Variants in LRRC4C observed in about 807,000 individuals in gnomAD.
LRRC4C encodes the protein leucine rich repeat containing 4C, also known as leucine-rich repeat-containing protein 4C.
LRRC4C carries 5 observed loss-of-function variants against 33.6 expected under a neutral mutation model. The observed-to-expected ratio is 0.15, with a 90% CI of 0.08 to 0.31. The LOEUF (loss-of-function observed/expected upper bound fraction) is 0.31, where lower values mean the gene tolerates loss of function less well. LRRC4C is among the 10% of genes least tolerant of loss of function. The pLI is 1.00. For synonymous variants in LRRC4C, 329 were observed against 302.0 expected (o/e 1.09, Z -0.93); for missense variants, 560 against 796.7 (o/e 0.70, Z 3.58).
intron 1 of LRRC4C, among the ~76,000 whole-genome samples, chr11:41,378,555 A>C (rs559649178): frequency 3.0e-4 from 46 of 152,286 alleles, no homozygotes; most frequent in African/African-American, 1.1e-3. Flanking sequence ...GGAAATATCC[A>C]TGCGGTATGC....
chr11:40,438,525 C>T (rs1169521387), intron 3 of LRRC4C, among the ~76,000 whole-genome samples: 2 of 152,124 alleles, frequency 1.3e-5, no homozygotes, highest in Admixed American at 1.3e-4. Context: ...CAATTTGTGT[C>T]CCCAATGTCT....
At chr11:40,906,879 C>T (rs1354945869) in intron 2 of LRRC4C, among the ~76,000 whole-genome samples, 2 of 152,110 alleles carry the variant, frequency 1.3e-5, no homozygotes, top group African/African-American at 2.4e-5. Context: ...AATACTTGAT[C>T]TCAAAGAGCT....
chr11:41,421,143 T>C (rs1846184236), intron 1 of LRRC4C, among the ~76,000 whole-genome samples: 1 of 152,034 alleles, frequency 6.6e-6, no homozygotes, highest in Admixed American at 6.6e-5. Flanking sequence ...GAAAGGAATT[T>C]CTATATGTAA....
At chr11:41,277,296 C>G (rs1949515375) in intron 1 of LRRC4C, among the ~76,000 whole-genome samples, 1 of 152,134 alleles carries the variant, frequency 6.6e-6, no homozygotes, top group Non-Finnish European at 1.5e-5. Flanking sequence ...GTGAATTTTC[C>G]ATGCATTATT....
At chr11:40,663,350 G>T (rs1479071787) in intron 2 of LRRC4C, among the ~76,000 whole-genome samples, 4 of 152,092 alleles carry the variant, frequency 2.6e-5, no homozygotes, top group African/African-American at 9.7e-5. Context: ...CAAAGTGTTG[G>T]GATTACAGGC....
At chr11:40,476,345 T>TCTTTC (rs71060963) in intron 3 of LRRC4C, among the ~76,000 whole-genome samples, 2 of 136,500 alleles carry the variant, frequency 1.5e-5, no homozygotes, top group Admixed American at 7.4e-5. Flanking sequence ...TTTTCTTCTT[T>TCTTTC]TTTTTTTTTT....
intron 5 of LRRC4C, among the ~76,000 whole-genome samples, chr11:40,176,861 C>A (rs1345068079): frequency 6.6e-6 from 1 of 150,486 alleles, no homozygotes; most frequent in African/African-American, 2.4e-5. Flanking sequence ...TTTAAAATTG[C>A]TCTTTTTATA....
At chr11:40,737,526 G>A (rs917312578) in intron 2 of LRRC4C, among the ~76,000 whole-genome samples, 1 of 151,976 alleles carries the variant, frequency 6.6e-6, no homozygotes, top group Non-Finnish European at 1.5e-5. Flanking sequence ...CAAAGTCTCA[G>A]GATACAAGAT....
chr11:40,527,520 A>G (rs963666899), intron 3 of LRRC4C, among the ~76,000 whole-genome samples: 4 of 152,120 alleles, frequency 2.6e-5, no homozygotes, highest in African/African-American at 9.7e-5. Context: ...GGGATTTGCT[A>G]TAGGAGGAGG....
chr11:41,322,898 A>T (rs1355140255), intron 1 of LRRC4C, among the ~76,000 whole-genome samples: 1 of 152,196 alleles, frequency 6.6e-6, no homozygotes, highest in Non-Finnish European at 1.5e-5. Flanking sequence ...TGGATATGAC[A>T]CATATATACA....
intron 2 of LRRC4C, among the ~76,000 whole-genome samples, chr11:40,665,155 A>C (rs1943655961): frequency 6.6e-6 from 1 of 151,324 alleles, no homozygotes; most frequent in Non-Finnish European, 1.5e-5. Context: ...AAATATATTC[A>C]GGAAATCAAA....
intron 1 of LRRC4C, among the ~76,000 whole-genome samples, chr11:41,103,126 T>C (rs189429358): frequency 3.9e-4 from 59 of 152,126 alleles, no homozygotes; most frequent in Non-Finnish European, 4.4e-5. Context: ...TGTGACAACA[T>C]GGCCTGTTCC....
At chr11:40,342,831 T>C (rs1388606820) in intron 3 of LRRC4C, among the ~76,000 whole-genome samples, 1 of 152,150 alleles carries the variant, frequency 6.6e-6, no homozygotes. Context: ...TTGCTAATCA[T>C]ACTATGAAAT....
intron 2 of LRRC4C, among the ~76,000 whole-genome samples, chr11:40,706,438 T>C (rs1946172216): frequency 6.6e-6 from 1 of 152,198 alleles, no homozygotes; most frequent in Non-Finnish European, 1.5e-5. Context: ...GGCCAGCCAG[T>C]TTTCCCAGCA....
At chr11:40,123,281 A>G (rs1462474154) in intron 6 of LRRC4C, among the ~76,000 whole-genome samples, 2 of 152,110 alleles carry the variant, frequency 1.3e-5, no homozygotes, top group Non-Finnish European at 2.9e-5. Flanking sequence ...AATAAAGGAC[A>G]TCTTGGAAAA....
chr11:40,550,074 A>G (rs1310943865), intron 3 of LRRC4C, among the ~76,000 whole-genome samples: 1 of 152,156 alleles, frequency 6.6e-6, no homozygotes, highest in African/African-American at 2.4e-5. Flanking sequence ...TAATTTAATA[A>G]TAATGACATG....
chr11:40,690,623 A>T (rs1431094221), intron 2 of LRRC4C, among the ~76,000 whole-genome samples: 1 of 152,036 alleles, frequency 6.6e-6, no homozygotes. Context: ...TAAACCATAG[A>T]CTACTTTTCA....
intron 3 of LRRC4C, among the ~76,000 whole-genome samples, chr11:40,413,057 G>A (rs778767286): frequency 8.6e-5 from 13 of 152,010 alleles, no homozygotes; most frequent in East Asian, 7.7e-4. Flanking sequence ...TTATTTAGGC[G>A]AATTTATCTA....
intron 5 of LRRC4C, among the ~76,000 whole-genome samples, chr11:40,191,879 G>C (rs115661344): frequency 0.045 from 6,839 of 152,148 alleles, 452 homozygotes; most frequent in African/African-American, 0.14. Context: ...AGAATCGCTT[G>C]AGCCCAAGAG....
Sources: gnomAD v4.1 joint callset for allele counts (sites outside exome capture counted in the v4.1 genomes callset) on GRCh38, gnomAD v4.1.1 for gene constraint, MANE v1.5 for transcripts, NCBI Gene and HGNC (gene_info 2026-07-23, HGNC 2026-07-21) for gene names.